The following MRPS35 variants were observed in gnomAD, a reference collection of about 807,000 sequenced individuals.
The protein encoded by MRPS35 is small ribosomal subunit protein mS35.
Under a neutral mutation model 32.7 loss-of-function variants are expected in MRPS35, and 29 were observed. The observed-to-expected ratio is 0.89, with a 90% CI of 0.66 to 1.21. The LOEUF (loss-of-function observed/expected upper bound fraction) is 1.21. MRPS35 is among the 50% of genes most tolerant of loss of function. The pLI, the probability that MRPS35 is intolerant of heterozygous loss-of-function variation, is 0.00. For synonymous variants in MRPS35, 148 were observed against 139.3 expected, an observed-to-expected ratio of 1.06 and a Z score of -0.44; for missense variants, 373 against 383.8, an observed-to-expected ratio of 0.97 and a Z score of 0.23.
At chr12:27,715,862 A>C (rs1246001108) in intron 2 of MRPS35, among the ~76,000 whole-genome samples, 2 of 152,224 alleles carry the variant, frequency 1.3e-5, no homozygotes, top group Non-Finnish European at 2.9e-5. Context: ...TTATTCAATC[A>C]GTTTAACCCT....
chr12:27,722,619 T>C (rs1035761603), intron 4 of MRPS35, among the ~76,000 whole-genome samples: 7 of 152,188 alleles, frequency 4.6e-5, no homozygotes, highest in African/African-American at 1.7e-4. Context: ...ATGCATCTTA[T>C]AGTGCAGGAT....
At chr12:27,722,393 A>G (rs1387977659) in intron 4 of MRPS35, among the ~76,000 whole-genome samples, 1 of 152,240 alleles carries the variant, frequency 6.6e-6, no homozygotes, top group African/African-American at 2.4e-5. Flanking sequence ...TCAGATGAGT[A>G]AAGGCTAATA....
intron 7 of MRPS35, among the ~76,000 whole-genome samples, chr12:27,751,751 G>A (rs774982733): frequency 1.3e-5 from 2 of 152,212 alleles, no homozygotes; most frequent in East Asian, 1.9e-4. Flanking sequence ...CCCCAAGAGC[G>A]CCTGTACAAC....
chr12:27,718,510 C>T (rs1052961973), intron 3 of MRPS35, among the ~76,000 whole-genome samples: 2 of 152,178 alleles, frequency 1.3e-5, no homozygotes, highest in Non-Finnish European at 2.9e-5. Flanking sequence ...CCAAATGAGC[C>T]TTTAAGCTCT....
At chr12:27,724,408 A>G (rs900733518) in intron 5 of MRPS35, among the ~76,000 whole-genome samples, 1 of 152,018 alleles carries the variant, frequency 6.6e-6, no homozygotes, top group Non-Finnish European at 1.5e-5. Flanking sequence ...GTGTGATTAT[A>G]AAACTGTAAT....
chr12:27,719,861 C>T lies in MRPS35; in HGVS notation c.375C>T (p.Ala125=). The part of the protein sequence containing the change: ...TPVAIKKHCE[A]LKDFCTEWPA... ...TAGCAATTAAAAAGCACTGTGAAGCCCTTAAAGGTAAGTGGTTATTTTCTT... is the reference window on the plus strand; with the variant it reads ...TAGCAATTAAAAAGCACTGTGAAGCTCTTAAAGGTAAGTGGTTATTTTCTT... The change falls in exon 4 of 8, where the codon GCC becomes GCT. Residue 125 remains alanine (A), a synonymous_variant. Coordinates refer to ENST00000081029, the MANE Select transcript of MRPS35 (RefSeq NM_021821.4). The T allele has an allele frequency of 1.2e-6, 2 of 1,604,104 alleles. No individual in the cohort carries two copies. The highest frequency in any genetic ancestry group is 1.7e-6 in the Non-Finnish European group (2 of 1,172,590).
chr12:27,749,422 A>G (rs1345462119), intron 7 of MRPS35, among the ~76,000 whole-genome samples: 1 of 152,228 alleles, frequency 6.6e-6, no homozygotes, highest in Non-Finnish European at 1.5e-5. Flanking sequence ...TTATTTGCAA[A>G]TAGTATGGAG....
chr12:27,748,008 T>G (rs1001801611), intron 7 of MRPS35, among the ~76,000 whole-genome samples: 2 of 152,194 alleles, frequency 1.3e-5, no homozygotes, highest in Non-Finnish European at 2.9e-5. Flanking sequence ...ACTCCTAGGT[T>G]TGTTGTGAGA....
chr12:27,755,201 A>C lies in MRPS35; in HGVS notation c.723A>C (p.Lys241Asn). The C allele has an allele frequency of 6.4e-7, 1 of 1,563,970 alleles. No homozygotes were observed. The highest frequency in any genetic ancestry group is 8.6e-7 in the Non-Finnish European group (1 of 1,163,386). Residue 241 changes from lysine to asparagine, a missense_variant, in exon 8 of 8, where the codon AAA (lysine) becomes AAC (asparagine). Coordinates refer to ENST00000081029, the MANE Select transcript of MRPS35 (RefSeq NM_021821.4). ...TTCAGAATACTGAAGAATGGGAAAA[A>C]AGTAAGACTGAAGCAGACATGGAAG... ...HESWNTEEWEKSKTEADMEEY... is the reference protein window; with the variant it reads ...HESWNTEEWENSKTEADMEEY...
At chr12:27,720,600 C>T (rs1329707787) in intron 4 of MRPS35, among the ~76,000 whole-genome samples, 1 of 151,570 alleles carries the variant, frequency 6.6e-6, no homozygotes, top group Non-Finnish European at 1.5e-5. Flanking sequence ...TCCCCAGCCC[C>T]TCATTTATTT....
chr12:27,720,964 T>C (rs2061871690), intron 4 of MRPS35, among the ~76,000 whole-genome samples: 1 of 152,178 alleles, frequency 6.6e-6, no homozygotes, highest in African/African-American at 2.4e-5. Context: ...TAGGAGTTGG[T>C]ACCTTTGGAT....
chr12:27,713,727 G>A (rs773787482), intron 1 of MRPS35, among the ~76,000 whole-genome samples: 4 of 152,126 alleles, frequency 2.6e-5, no homozygotes, highest in Non-Finnish European at 4.4e-5. Flanking sequence ...CATCCCCACA[G>A]ACATGCCCAG....
chr12:27,736,312 G>A (rs540234412), intron 6 of MRPS35, among the ~76,000 whole-genome samples: 2 of 152,180 alleles, frequency 1.3e-5, no homozygotes, highest in East Asian at 1.9e-4. Context: ...TTGCAACAGT[G>A]TGGAGGCAGA....
intron 2 of MRPS35, among the ~76,000 whole-genome samples, chr12:27,715,652 T>C (rs1003631705): frequency 2.6e-5 from 4 of 152,334 alleles, no homozygotes; most frequent in Non-Finnish European, 5.9e-5. Context: ...TATTACCTGC[T>C]TCTAGGATAT....
intron 4 of MRPS35, among the ~76,000 whole-genome samples, chr12:27,721,730 C>T (rs1283493104): frequency 6.6e-6 from 1 of 152,160 alleles, no homozygotes; most frequent in African/African-American, 2.4e-5. Context: ...AGTATTTGAT[C>T]ATCTGTAAAG....
chr12:27,751,639 G>A (rs1367206800), intron 7 of MRPS35, among the ~76,000 whole-genome samples: 2 of 152,154 alleles, frequency 1.3e-5, no homozygotes, highest in Admixed American at 6.5e-5. Flanking sequence ...TGTGCAAGCC[G>A]AGCTGTGTCC....
At position 27,710,971 on chromosome 12, in the gene MRPS35, G is replaced by A. The variant is rs770908085; in HGVS notation, c.112+16G>A. 4 of 1,605,958 alleles carry A rather than the reference G, an allele frequency of 2.5e-6. No individual in the cohort carries two copies. In the South Asian group the frequency reaches 4.4e-5, roughly 18 times the overall value. On this transcript the variant is annotated intron_variant, in intron 1 of 7. Coordinates refer to ENST00000081029, the MANE Select transcript of MRPS35 (RefSeq NM_021821.4). ...CCTAGCCTGCGTGAGTGTCTGTCTC[G>A]TCTTCTCTGGGCTTTGGGGGAGGTG...
intron 3 of MRPS35, 98 bp downstream of exon 3, chr12:27,716,556 A>G (rs2061852066): frequency 2.7e-6 from 3 of 1,130,350 alleles, no homozygotes; most frequent in Non-Finnish European, 3.8e-6. Context: ...CGTTCAGTGT[A>G]TAGCAGCTTA....
At chr12:27,714,689 G>T (rs2140751790) in intron 1 of MRPS35, 91 bp from the exon 2 acceptor site, 196 of 738,066 alleles carry the variant, frequency 2.7e-4, no homozygotes, top group Non-Finnish European at 3.6e-4. Flanking sequence ...ACCTTAAATT[G>T]TGTTAGAATA....
Sources: allele counts gnomAD v4.1 joint callset (sites outside exome capture counted in the v4.1 genomes callset), GRCh38; gene constraint gnomAD v4.1.1; transcripts MANE v1.5; gene names NCBI Gene and HGNC (gene_info 2026-07-23, HGNC 2026-07-21).